The following CNTN3 variants were observed in gnomAD, a reference collection of about 807,000 sequenced individuals.
The protein encoded by CNTN3 is contactin 3.
Under a neutral mutation model 119.1 loss-of-function variants are expected in CNTN3, and 60 were observed. That is an observed-to-expected ratio of 0.50 (90% CI 0.41 to 0.62). CNTN3 has a LOEUF of 0.62. CNTN3 is among the 20% of genes least tolerant of loss of function. The pLI is 0.00. For missense variants in CNTN3, 1,101 were observed against 1,242.4 expected (o/e 0.89, Z 1.71); for synonymous variants, 450 against 438.7 (o/e 1.03, Z -0.32).
intron 4 of CNTN3, among the ~76,000 whole-genome samples, chr3:74,441,498 C>A (rs1174899034): frequency 6.6e-6 from 1 of 152,160 alleles, no homozygotes; most frequent in African/African-American, 2.4e-5. Context: ...ATGCATTACA[C>A]AGGATGCTGG....
In CNTN3 at chr3:74,551,754, C is replaced by CTTTTTTTT. The variant is rs776621925; in HGVS notation, c.-80-30570_-80-30563dup. ...AGATCTGCTTCTTCTTCTTCTTCTT[C>CTTTTTTTT]TTTTTTTTTTTTTTTTTTTTTTTTT... On this transcript the variant is annotated intron_variant, in intron 1 of 22. Transcript: ENST00000263665. Among the ~76,000 whole-genome samples, 74 of 60,212 alleles carry CTTTTTTTT rather than the reference C, an allele frequency of 1.2e-3. 2 individuals are homozygous for CTTTTTTTT. The highest frequency in any genetic ancestry group is 1.5e-3 in the African/African-American group (17 of 11,654). 39.5% of individuals were successfully genotyped at this position (60,212 alleles called of 152,430 possible). A position where few individuals can be genotyped will look rare whatever the true frequency, so the allele number is the denominator to read the frequency against.
intron 1 of CNTN3, among the ~76,000 whole-genome samples, chr3:74,531,091 G>T (rs1314725955): frequency 6.6e-6 from 1 of 151,954 alleles, no homozygotes; most frequent in East Asian, 1.9e-4. Flanking sequence ...GGTGAGAAAA[G>T]AAGCCAAAAC....
At chr3:74,558,118 T>A (rs1704098558) in intron 1 of CNTN3, among the ~76,000 whole-genome samples, 2 of 152,166 alleles carry the variant, frequency 1.3e-5, no homozygotes, top group African/African-American at 4.8e-5. Flanking sequence ...CTTCATGCAA[T>A]TACTGGTTTT....
chr3:74,370,405 A>G (rs2106790133), intron 6 of CNTN3, among the ~76,000 whole-genome samples: 1 of 152,210 alleles, frequency 6.6e-6, no homozygotes, highest in South Asian at 2.1e-4. Flanking sequence ...CAATTTTGAC[A>G]TTGCTAGTCA....
At chr3:74,428,921 T>C (rs1194699810) in intron 4 of CNTN3, among the ~76,000 whole-genome samples, 1 of 152,192 alleles carries the variant, frequency 6.6e-6, no homozygotes, top group Non-Finnish European at 1.5e-5. Flanking sequence ...GTGTCACAAT[T>C]GCCTACAGTA....
intron 5 of CNTN3, among the ~76,000 whole-genome samples, chr3:74,423,562 A>G (rs1701650045): frequency 6.6e-6 from 1 of 152,200 alleles, no homozygotes; most frequent in Admixed American, 6.5e-5. Context: ...AAAACCTCAC[A>G]GTGCTACCAG....
intron 3 of CNTN3, among the ~76,000 whole-genome samples, chr3:74,488,200 C>T (rs901911618): frequency 5.3e-5 from 8 of 151,924 alleles, no homozygotes; most frequent in Admixed American, 3.3e-4. Flanking sequence ...GCAAGCTCTG[C>T]CTCCTGAGCT....
At chr3:74,390,333 A>G (rs1176892709) in intron 5 of CNTN3, among the ~76,000 whole-genome samples, 1 of 148,660 alleles carries the variant, frequency 6.7e-6, no homozygotes, top group Non-Finnish European at 1.5e-5. Context: ...CCCTAACAGC[A>G]TGCTGTTTTT....
chr3:74,303,340 CAG>C (rs1359786366), intron 13 of CNTN3, among the ~76,000 whole-genome samples: 12 of 152,098 alleles, frequency 7.9e-5, no homozygotes, highest in African/African-American at 2.7e-4. Flanking sequence ...AAGTTAGGGA[CAG>C]TAAGCATGAA....
intron 11 of CNTN3, among the ~76,000 whole-genome samples, chr3:74,349,697 GT>G (rs1277781709): frequency 1.3e-5 from 2 of 152,152 alleles, no homozygotes; most frequent in Non-Finnish European, 2.9e-5. Flanking sequence ...GATATTGGGC[GT>G]TTCTATGATT....
At chr3:74,411,013 C>T (rs528738139) in intron 5 of CNTN3, among the ~76,000 whole-genome samples, 1 of 151,984 alleles carries the variant, frequency 6.6e-6, no homozygotes, top group Non-Finnish European at 1.5e-5. Flanking sequence ...AGAGGAGAGA[C>T]TCCCCTCTCT....
intron 5 of CNTN3, among the ~76,000 whole-genome samples, chr3:74,378,185 A>G (rs1704525228): frequency 6.6e-6 from 1 of 152,206 alleles, no homozygotes. Context: ...AAATCACACC[A>G]CTTTGGTGGA....
At chr3:74,483,725 A>G (rs1702803019) in intron 4 of CNTN3, among the ~76,000 whole-genome samples, 1 of 152,110 alleles carries the variant, frequency 6.6e-6, no homozygotes, top group Non-Finnish European at 1.5e-5. Flanking sequence ...TTATGTTCTA[A>G]GAATAATAAA....
At chr3:74,544,349 G>A (rs572050889) in intron 1 of CNTN3, among the ~76,000 whole-genome samples, 5 of 152,268 alleles carry the variant, frequency 3.3e-5, no homozygotes, top group South Asian at 4.1e-4. Context: ...TCATATTGTT[G>A]AACTCTTCAC....
Position 74,285,357 on chromosome 3 carries a change from A to C in CNTN3, c.2652T>G (p.Ser884Arg). 1.2e-6 allele frequency: 2 copies of C among 1,613,352 alleles called. No individual in the cohort carries two copies. Among genetic ancestry groups the C allele is most frequent in the Non-Finnish European group, 1.7e-6 (2 of 1,179,638 alleles). Reference protein sequence around the residue: ...AYYTAVRAYNSAGAGPFSATV... With the variant: ...AYYTAVRAYNRAGAGPFSATV... ...TGGCGCTAAAAGGCCCAGCGCCGGC[A>C]CTGTTGTAAGCCCGGACAGCCGTGT... is the stretch of plus-strand genomic sequence containing the variant. Residue 884 changes from serine (S) to arginine (R), a missense_variant, in exon 20 of 23, where the codon AGT becomes AGG. By Grantham distance (110) the Ser-to-Arg change is moderately radical. Coordinates refer to ENST00000263665, the MANE Select transcript of CNTN3 (RefSeq NM_020872.3).
In CNTN3 at chr3:74,402,054, G is replaced by T. The variant is rs1705208636; in HGVS notation, c.454+22791C>A. On this transcript the variant is annotated intron_variant, in intron 5 of 22. Transcript: ENST00000263665. ...GGCCTGTGAAATGTTAGGCCCTGGG[G>T]TTCACTCCACATGTGTTCCCAGGGC... Among the ~76,000 whole-genome samples the T allele has an allele frequency of 1.3e-5, 2 of 152,174 alleles. 1 individual carries two copies. Among genetic ancestry groups the T allele is most frequent in the South Asian group, 4.1e-4 (2 of 4,834 alleles).
At chr3:74,449,367 T>C (rs1702105588) in intron 4 of CNTN3, among the ~76,000 whole-genome samples, 1 of 151,994 alleles carries the variant, frequency 6.6e-6, no homozygotes, top group Non-Finnish European at 1.5e-5. Context: ...TATGTACTCT[T>C]TTACAACACT....
At chr3:74,548,686 C>A (rs1198828605) in intron 1 of CNTN3, among the ~76,000 whole-genome samples, 1 of 151,996 alleles carries the variant, frequency 6.6e-6, no homozygotes, top group East Asian at 1.9e-4. Flanking sequence ...TTTTCATCAA[C>A]ATTATAATTG....
chr3:74,285,254 T>C, intron 20 of CNTN3, 51 bp downstream of exon 20: 2 of 1,525,524 alleles, frequency 1.3e-6, no homozygotes, highest in South Asian at 2.5e-5. Flanking sequence ...GGCTATCCTT[T>C]TTAATGCAAA....
Sources: allele counts gnomAD v4.1 joint callset (sites outside exome capture counted in the v4.1 genomes callset), GRCh38; gene constraint gnomAD v4.1.1; transcripts MANE v1.5; gene names NCBI Gene and HGNC (gene_info 2026-07-23, HGNC 2026-07-21).